PRPF4: variants seen among roughly 807,000 people sequenced by gnomAD.
PRPF4 encodes the protein U4/U6 small nuclear ribonucleoprotein Prp4.
In PRPF4, 14 loss-of-function variants were observed where a neutral mutation model predicts 72.2. That is an observed-to-expected ratio of 0.19 (90% CI 0.13 to 0.30). The LOEUF (loss-of-function observed/expected upper bound fraction) is 0.30, where lower values mean the gene tolerates loss of function less well. PRPF4 is among the 10% of genes least tolerant of loss of function. The probability of loss-of-function intolerance (pLI) is 1.00; values close to 1 mark genes in which losing one functional copy is unlikely to be tolerated. For synonymous variants in PRPF4, 225 were observed against 232.2 expected, an observed-to-expected ratio of 0.97 and a Z score of 0.28; for missense variants, 478 against 653.9, an observed-to-expected ratio of 0.73 and a Z score of 2.93.
intron 9 of PRPF4, among the ~76,000 whole-genome samples, chr9:113,287,761 G>A (rs1832492353): frequency 6.6e-6 from 1 of 152,190 alleles, no homozygotes; most frequent in South Asian, 2.1e-4. Flanking sequence ...GCGTTCCTTA[G>A]AGTTCATGTT....
chr9:113,286,374 C>T, intron 8 of PRPF4, 84 bp downstream of exon 8: 10 of 1,237,180 alleles, frequency 8.1e-6, no homozygotes, highest in Non-Finnish European at 1.2e-5. Flanking sequence ...CACTCAGACC[C>T]CATACACACA....
At chr9:113,278,352 A>G (rs1283205813) in intron 2 of PRPF4, among the ~76,000 whole-genome samples, 1 of 152,212 alleles carries the variant, frequency 6.6e-6, no homozygotes, top group African/African-American at 2.4e-5. Flanking sequence ...AAACACATGC[A>G]CTGTAGCCTA....
chr9:113,291,155 A>G, intron 13 of PRPF4, 139 bp downstream of exon 13: 2 of 919,472 alleles, frequency 2.2e-6, no homozygotes, highest in Non-Finnish European at 3.4e-6. Flanking sequence ...GCAAATTATA[A>G]TTTCCTTCCC....
chr9:113,275,860 A>G lies in PRPF4; in HGVS notation c.27+90A>G, dbSNP rs546079320. 51 of 1,548,220 alleles carry G rather than the reference A, an allele frequency of 3.3e-5. No homozygotes were observed. The South Asian group carries it at 5.2e-4, about 16-fold the overall frequency. On this transcript the variant is annotated intron_variant, in intron 1 of 13. Transcript: ENST00000374198. ...GGAAGGGGCCGTTAAGGAGCGGGAG[A>G]AGGCGGTGGAGGGCTGAGGAGGAAG...
intron 3 of PRPF4, among the ~76,000 whole-genome samples, chr9:113,282,197 G>T (rs1361418978): frequency 6.6e-6 from 1 of 152,238 alleles, no homozygotes; most frequent in Non-Finnish European, 1.5e-5. Context: ...GGAGGGCCGG[G>T]TATAGTGGCT....
intron 4 of PRPF4, 182 bp downstream of exon 4, chr9:113,282,915 A>AGTGAGTTTTCCAGTCAGG: frequency 9.6e-7 from 1 of 1,038,366 alleles, no homozygotes; most frequent in Non-Finnish European, 1.4e-6. Context: ...AATGGAGCTA[A>AGTGAGTTTTCCAGTCAGG]GTGAGTTTTC....
chr9:113,286,245 A>G lies in PRPF4; in HGVS notation c.763A>G (p.Lys255Glu). ...TGTATTTGATAGGAGTGGGCTTTGC[A>G]AGCTCTGGTCTGTTCCTGATTGCAA... ...LATACWSGLC[K>E]LWSVPDCNLL... The change falls in exon 8 of 14, where the codon AAG becomes GAG. Residue 255 changes from lysine to glutamate, a missense_variant. Transcript: ENST00000374198. 6.2e-7 allele frequency: 1 copy of G among 1,614,146 alleles called. No individual in the cohort carries two copies. The highest frequency in any genetic ancestry group is 8.5e-7 in the Non-Finnish European group (1 of 1,180,016).
chr9:113,283,377 T>G lies in PRPF4; in HGVS notation c.561-12T>G, dbSNP rs1832338866. The G allele has an allele frequency of 3.7e-6, 6 of 1,614,168 alleles. No individual in the cohort carries two copies. The highest frequency in any genetic ancestry group is 5.1e-6 in the Non-Finnish European group (6 of 1,180,026). ...CCCTGTTGCTCCTGGTGATGGTGTTTCTGTGTCGCAGGGCAATGAAACGCT... is the reference window on the plus strand; with the variant it reads ...CCCTGTTGCTCCTGGTGATGGTGTTGCTGTGTCGCAGGGCAATGAAACGCT... On this transcript the variant is annotated splice_polypyrimidine_tract_variant and intron_variant, in intron 5 of 13. Coordinates refer to ENST00000374198, the MANE Select transcript of PRPF4 (RefSeq NM_001244926.2).
rs1296077065 is a variant in PRPF4 at position 113,291,925 on chromosome 9, T to C, written c.*265T>C. Reference sequence around the variant, plus strand: ...TGTAGACATTGTTTTTATTAATCTTTTGTTTGGCCGGGCGTGGTGGCTCAC... The same window carrying C: ...TGTAGACATTGTTTTTATTAATCTTCTGTTTGGCCGGGCGTGGTGGCTCAC... On this transcript the variant is annotated 3_prime_UTR_variant, in exon 14 of 14. Transcript: ENST00000374198. 3.6e-6 allele frequency: 1 copy of C among 278,624 alleles called. No individual in the cohort carries two copies. The highest frequency in any genetic ancestry group is 6.8e-6 in the Non-Finnish European group (1 of 147,376). The allele number at this position is 278,624 out of a possible 1,614,324, so 17.3% of individuals were successfully genotyped here.
At chr9:113,281,691 G>A (rs1225151325) in intron 3 of PRPF4, among the ~76,000 whole-genome samples, 1 of 151,990 alleles carries the variant, frequency 6.6e-6, no homozygotes, top group Non-Finnish European at 1.5e-5. Flanking sequence ...TTACCTCCAG[G>A]CCTTATTTGT....
rs76960690 is a variant in PRPF4, at chr9:113,280,667, G to A, written c.392+1536G>A. On this transcript the variant is annotated intron_variant, in intron 3 of 13. Transcript: ENST00000374198. Reference sequence around the variant, plus strand: ...ATCCTAGATTGTCTTCTCATACTTGGAGTAAAAAACTCTTACCATGGTCTG... The same window carrying A: ...ATCCTAGATTGTCTTCTCATACTTGAAGTAAAAAACTCTTACCATGGTCTG... Among the ~76,000 whole-genome samples the A allele has an allele frequency of 5.1e-3, 774 of 152,154 alleles. 8 individuals carry two copies. The highest frequency in any genetic ancestry group is 0.018 in the African/African-American group (732 of 41,484).
At position 113,276,568 on chromosome 9, in the gene PRPF4, C is replaced by A. The variant is rs1239384792; in HGVS notation, c.48C>A (p.Pro16=). Residue 16 remains proline, a synonymous_variant, in exon 2 of 14, where the codon CCC becomes CCA. Transcript: ENST00000374198. ...ASSTATKTKA[P]DDLVAPVVKK... The stretch of plus-strand genomic sequence containing the variant: ...AGCAGGCAACCAAAACTAAAGCACC[C>A]GACGACTTAGTTGCTCCGGTCGTGA... 9 of 1,613,972 alleles carry A rather than the reference C, an allele frequency of 5.6e-6. No homozygotes were observed. The highest frequency in any genetic ancestry group is 6.8e-6 in the Non-Finnish European group (8 of 1,180,026).
intron 3 of PRPF4, among the ~76,000 whole-genome samples, chr9:113,280,886 G>C (rs1269024454): frequency 6.6e-6 from 1 of 151,788 alleles, no homozygotes; most frequent in Non-Finnish European, 1.5e-5. Flanking sequence ...TGTCACCCAG[G>C]GTGGAGTGCG....
At chr9:113,290,659 G>A in intron 11 of PRPF4, 41 bp from the exon 12 acceptor site, 1 of 1,614,114 alleles carries the variant, frequency 6.2e-7, no homozygotes, top group Non-Finnish European at 8.5e-7. Flanking sequence ...CTTCCACAGA[G>A]AACTGGATTC....
rs1187286927 is a variant in PRPF4, at chr9:113,288,153, T to A, written c.933-22T>A. 3.1e-6 allele frequency: 5 copies of A among 1,611,228 alleles called. No homozygotes were observed. In the Admixed American group the frequency reaches 8.3e-5, roughly 27 times the overall value. On this transcript the variant is annotated intron_variant, in intron 9 of 13. Coordinates refer to ENST00000374198, the MANE Select transcript of PRPF4 (RefSeq NM_001244926.2). Reference sequence around the variant, plus strand: ...CTATTTATATGTCTATAAAATTGTTTATATGTTTGGTTCCTTTCCAGTGAT... The same window carrying A: ...CTATTTATATGTCTATAAAATTGTTAATATGTTTGGTTCCTTTCCAGTGAT...
intron 9 of PRPF4, 58 bp downstream of exon 9, chr9:113,286,886 T>C: frequency 6.2e-7 from 1 of 1,611,770 alleles, no homozygotes; most frequent in Middle Eastern, 1.7e-4. Context: ...GTTTGATTGG[T>C]TGGTCCCCAG....
At chr9:113,276,417 A>G (rs1441883742) in intron 1 of PRPF4, 131 bp from the exon 2 acceptor site, 1 of 944,134 alleles carries the variant, frequency 1.1e-6, no homozygotes, top group South Asian at 1.4e-5. Context: ...CGTCTTAAGT[A>G]GTGTCCAATT....
intron 10 of PRPF4, among the ~76,000 whole-genome samples, chr9:113,289,270 C>T (rs1832539918): frequency 1.3e-5 from 2 of 152,280 alleles, no homozygotes; most frequent in Non-Finnish European, 2.9e-5. Context: ...GACACTTGGG[C>T]TGTTTCCAGG....
At chr9:113,286,379 CA>C (rs941363518) in intron 8 of PRPF4, 89 bp downstream of exon 8, 1 of 1,205,442 alleles carries the variant, frequency 8.3e-7, no homozygotes, top group African/African-American at 1.5e-5. Context: ...AGACCCCATA[CA>C]CACAGCATTA....
Sources: gnomAD v4.1 joint callset for allele counts (sites outside exome capture counted in the v4.1 genomes callset) on GRCh38, gnomAD v4.1.1 for gene constraint, MANE v1.5 for transcripts, NCBI Gene and HGNC (gene_info 2026-07-23, HGNC 2026-07-21) for gene names.